IDO2: variants seen among roughly 807,000 people sequenced by gnomAD.
The protein encoded by IDO2 is indoleamine 2,3-dioxygenase 2.
Under a neutral mutation model 45.1 loss-of-function variants are expected in IDO2, and 46 were observed. That is an observed-to-expected ratio of 1.02 (90% CI 0.80 to 1.30). The LOEUF is 1.30. Among genes scored for constraint, IDO2 ranks in the 50% most tolerant of loss-of-function variants. The pLI is 0.00. For missense variants in IDO2, 544 were observed against 491.8 expected, an observed-to-expected ratio of 1.11 and a Z score of -1.00; for synonymous variants, 218 against 184.9, an observed-to-expected ratio of 1.18 and a Z score of -1.45.
At chr8:39,955,623 A>G (rs1458688338) in intron 2 of IDO2, among the ~76,000 whole-genome samples, 1 of 152,106 alleles carries the variant, frequency 6.6e-6, no homozygotes, top group Non-Finnish European at 1.5e-5. Context: ...GACGATAGCC[A>G]TGATCCATAG....
intron 6 of IDO2, chr8:39,986,602 T>A (rs1218776655): frequency 6.6e-6 from 1 of 152,150 alleles, no homozygotes; most frequent in African/African-American, 2.4e-5. Context: ...TCCATTTAAA[T>A]GACAGCAGAT....
chr8:39,992,098 C>G (rs1429679400), intron 8 of IDO2, among the ~76,000 whole-genome samples: 1 of 152,238 alleles, frequency 6.6e-6, no homozygotes, highest in East Asian at 1.9e-4. Flanking sequence ...TGGCCCCATG[C>G]CATCCTGCGC....
At chr8:39,992,996 C>T (rs2129594883) in intron 8 of IDO2, among the ~76,000 whole-genome samples, 1 of 152,140 alleles carries the variant, frequency 6.6e-6, no homozygotes. Flanking sequence ...CAGAACCAGC[C>T]CGGTCTATTT....
intron 1 of IDO2, among the ~76,000 whole-genome samples, chr8:39,942,186 C>T (rs377079301): frequency 6.6e-6 from 1 of 152,184 alleles, no homozygotes; most frequent in Non-Finnish European, 1.5e-5. Context: ...GTAGGTGCTT[C>T]GCTTATAGTT....
intron 2 of IDO2, among the ~76,000 whole-genome samples, chr8:39,950,194 T>C (rs1435352989): frequency 6.6e-6 from 1 of 152,130 alleles, no homozygotes; most frequent in Non-Finnish European, 1.5e-5. Context: ...TTAATTATTA[T>C]TATTACATCC....
intron 5 of IDO2, chr8:39,985,041 C>T (rs372226845): frequency 2.8e-5 from 9 of 325,094 alleles, no homozygotes; most frequent in South Asian, 1.8e-4. Flanking sequence ...GAGCAATTCT[C>T]CTGCCTCAGC....
intron 2 of IDO2, among the ~76,000 whole-genome samples, chr8:39,955,918 T>C (rs1021103547): frequency 1.3e-5 from 2 of 152,218 alleles, no homozygotes; most frequent in African/African-American, 4.8e-5. Context: ...TTAAATATAT[T>C]GTTGAACTCA....
At chr8:39,954,351 A>G (rs1807857855) in intron 2 of IDO2, among the ~76,000 whole-genome samples, 1 of 152,220 alleles carries the variant, frequency 6.6e-6, no homozygotes, top group Non-Finnish European at 1.5e-5. Flanking sequence ...TGCCCCAGAC[A>G]GGGTGCTGAT....
intron 2 of IDO2, among the ~76,000 whole-genome samples, chr8:39,957,395 T>C (rs1461232561): frequency 2.0e-5 from 3 of 152,092 alleles, no homozygotes; most frequent in Non-Finnish European, 2.9e-5. Context: ...GAGGATCACA[T>C]GAGGCCAGGA....
chr8:39,985,657 C>T, intron 6 of IDO2, 135 bp downstream of exon 6: 2 of 741,404 alleles, frequency 2.7e-6, no homozygotes, highest in East Asian at 2.8e-5. Flanking sequence ...AAAAAATATA[C>T]TAGAAGGAAA....
intron 8 of IDO2, among the ~76,000 whole-genome samples, chr8:40,004,417 T>C (rs1222133418): frequency 6.6e-6 from 1 of 152,048 alleles, no homozygotes. Flanking sequence ...GATAGGTAGA[T>C]AGATGATAGA....
At chr8:40,012,921 C>T (rs1447965674) in intron 9 of IDO2, among the ~76,000 whole-genome samples, 2 of 152,154 alleles carry the variant, frequency 1.3e-5, no homozygotes, top group Non-Finnish European at 2.9e-5. Flanking sequence ...ATTATCAATA[C>T]CTGTGGTCAA....
intron 1 of IDO2, among the ~76,000 whole-genome samples, chr8:39,941,682 A>T (rs1208771144): frequency 6.6e-6 from 1 of 152,198 alleles, no homozygotes; most frequent in Admixed American, 6.5e-5. Flanking sequence ...GAGATAGAGA[A>T]ATGGCTCATT....
At chr8:39,994,262 CTTT>C (rs35840300) in intron 8 of IDO2, among the ~76,000 whole-genome samples, 2 of 142,446 alleles carry the variant, frequency 1.4e-5, no homozygotes, top group Non-Finnish European at 1.5e-5. Flanking sequence ...TTCTTTCTTT[CTTT>C]TTTTTTTTTG....
intron 3 of IDO2, among the ~76,000 whole-genome samples, chr8:39,978,170 C>T (rs1808290350): frequency 6.6e-6 from 1 of 152,206 alleles, no homozygotes; most frequent in African/African-American, 2.4e-5. Context: ...AACCTCAACC[C>T]GGGCCTGCGC....
At chr8:39,994,720 T>C (rs1330182903) in intron 8 of IDO2, among the ~76,000 whole-genome samples, 7 of 151,828 alleles carry the variant, frequency 4.6e-5, no homozygotes, top group Non-Finnish European at 2.9e-5. Flanking sequence ...TGTTCCTACC[T>C]TATAAACTGG....
chr8:39,936,945 T>A lies in IDO2; in HGVS notation c.-18+1727T>A, dbSNP rs192550027. On this transcript the variant is annotated intron_variant, in intron 1 of 10. Coordinates refer to ENST00000502986, the Ensembl canonical transcript of IDO2. The stretch of plus-strand genomic sequence containing the variant: ...CACCTCCTCCTTCTGTGGGTCAAAC[T>A]TTACAGTGAGAGGAAAGACATCTTT... 3.0e-4 allele frequency among the ~76,000 whole-genome samples: 46 copies of A among 152,320 alleles called. 1 individual carries two copies. Among genetic ancestry groups the A allele is most frequent in the Admixed American group, 8.5e-4 (13 of 15,294 alleles).
intron 9 of IDO2, among the ~76,000 whole-genome samples, chr8:40,011,635 C>T (rs1222774730): frequency 6.6e-6 from 1 of 152,188 alleles, no homozygotes; most frequent in Non-Finnish European, 1.5e-5. Context: ...GATTCCCACT[C>T]ACTCTAAAGA....
At chr8:39,962,031 T>C (rs1209615606) in intron 2 of IDO2, among the ~76,000 whole-genome samples, 1 of 152,210 alleles carries the variant, frequency 6.6e-6, no homozygotes, top group Non-Finnish European at 1.5e-5. Context: ...TGCTGTAATG[T>C]AAAAGCAACC....
Sources: allele counts gnomAD v4.1 joint callset (sites outside exome capture counted in the v4.1 genomes callset), GRCh38; gene constraint gnomAD v4.1.1; transcripts MANE v1.5; gene names NCBI Gene and HGNC (gene_info 2026-07-23, HGNC 2026-07-21).